The following RSU1 variants were observed in gnomAD, a reference collection of about 807,000 sequenced individuals.
RSU1 encodes Ras suppressor protein 1, also known as rsu-1.
In RSU1, 26 loss-of-function variants were observed where a neutral mutation model predicts 31.1. The ratio of observed to expected loss-of-function variants is 0.84; its 90% CI spans 0.61 to 1.16. RSU1 has a LOEUF of 1.16. Ranked by LOEUF, RSU1 falls within the 50% of genes most tolerant of loss-of-function variation. The pLI is 0.00. For synonymous variants in RSU1, 164 were observed against 136.3 expected (o/e 1.20, Z -1.41); for missense variants, 320 against 339.1 (o/e 0.94, Z 0.44).
chr10:16,619,677 C>T (rs1834036460), intron 8 of RSU1, among the ~76,000 whole-genome samples: 1 of 152,194 alleles, frequency 6.6e-6, no homozygotes, highest in South Asian at 2.1e-4. Flanking sequence ...CTTATGGACA[C>T]ATGGACAGAA....
chr10:16,667,531 A>G (rs1210560084), intron 8 of RSU1, among the ~76,000 whole-genome samples: 1 of 151,658 alleles, frequency 6.6e-6, no homozygotes, highest in Non-Finnish European at 1.5e-5. Flanking sequence ...TCTGTCACCC[A>G]GGCTGGAGTG....
At chr10:16,654,374 A>C (rs1834735943) in intron 8 of RSU1, among the ~76,000 whole-genome samples, 1 of 151,692 alleles carries the variant, frequency 6.6e-6, no homozygotes, top group South Asian at 2.1e-4. Context: ...AAAAAAAAAA[A>C]AAAAAAGGAA....
intron 8 of RSU1, among the ~76,000 whole-genome samples, chr10:16,641,861 A>C (rs1441162594): frequency 6.6e-6 from 1 of 152,200 alleles, no homozygotes; most frequent in Non-Finnish European, 1.5e-5. Flanking sequence ...GGCTCTGAGC[A>C]GGGTAAGGCA....
rs939842580 is a variant in RSU1 at position 16,591,492 on chromosome 10, G to A, written c.*1902C>T. Reference sequence around the variant, plus strand: ...TTCTGGAGCGAAATTTATATTCCCAGTAGCCATGTGAAAGAATGTTTATTT... The same window carrying A: ...TTCTGGAGCGAAATTTATATTCCCAATAGCCATGTGAAAGAATGTTTATTT... On this transcript the variant is annotated 3_prime_UTR_variant, in exon 9 of 9. Transcript: ENST00000345264. 1 of 152,144 alleles carries A rather than the reference G, an allele frequency of 6.6e-6. No individual in the cohort carries two copies. The highest frequency in any genetic ancestry group is 2.4e-5 in the African/African-American group (1 of 41,424). The allele number at this position is 152,144 out of a possible 1,614,324, so 9.4% of individuals were successfully genotyped here. A position where few individuals can be genotyped will look rare whatever the true frequency, so the allele number is the denominator to read the frequency against.
At position 16,782,042 on chromosome 10, in the gene RSU1, T is replaced by C; in HGVS notation, c.152A>G (p.Lys51Arg). 1 of 1,613,362 alleles carries C rather than the reference T, an allele frequency of 6.2e-7. No individual in the cohort carries two copies. The highest frequency in any genetic ancestry group is 8.5e-7 in the Non-Finnish European group (1 of 1,179,738). The part of the protein sequence containing the change: ...HITQLVLSHN[K>R]LTMVPPNIAE... ...TGAGAAACATCACTTACTTGTTAGC[T>C]TGTTATGGCTGAGGACCAGTTGTGT... The change falls in exon 3 of 9, where the codon AAG becomes AGG. Residue 51 changes from lysine to arginine, a missense_variant. By Grantham distance (26) the Lys-to-Arg change is conservative. Transcript: ENST00000345264.
intron 7 of RSU1, among the ~76,000 whole-genome samples, chr10:16,696,768 G>A (rs543828832): frequency 6.6e-6 from 1 of 152,130 alleles, no homozygotes; most frequent in African/African-American, 2.4e-5. Context: ...GAAAACCCAG[G>A]GGTGGTATGC....
intron 8 of RSU1, among the ~76,000 whole-genome samples, chr10:16,694,147 G>A (rs1008577134): frequency 6.6e-6 from 1 of 152,168 alleles, no homozygotes; most frequent in Non-Finnish European, 1.5e-5. Context: ...AAAGAAGCAG[G>A]AATCGTGAGG....
intron 7 of RSU1, among the ~76,000 whole-genome samples, 164 bp from the exon 8 acceptor site, chr10:16,695,319 C>T (rs1244573659): frequency 6.6e-6 from 1 of 152,106 alleles, no homozygotes; most frequent in African/African-American, 2.4e-5. Context: ...ATCACAGGTA[C>T]ACAGTCATGA....
chr10:16,662,812 C>A (rs895214715), intron 8 of RSU1, among the ~76,000 whole-genome samples: 2 of 152,000 alleles, frequency 1.3e-5, no homozygotes, highest in Non-Finnish European at 2.9e-5. Flanking sequence ...TTTTCTCCTG[C>A]CATTTTAAAA....
At chr10:16,607,547 G>A (rs1833824641) in intron 8 of RSU1, among the ~76,000 whole-genome samples, 1 of 152,098 alleles carries the variant, frequency 6.6e-6, no homozygotes, top group Non-Finnish European at 1.5e-5. Flanking sequence ...GATCTAAACA[G>A]GGGTGGTAAC....
chr10:16,794,967 C>G (rs547980883), intron 2 of RSU1, among the ~76,000 whole-genome samples: 1 of 152,214 alleles, frequency 6.6e-6, no homozygotes, highest in African/African-American at 2.4e-5. Flanking sequence ...TAAAATGAAA[C>G]AAATAAAAGA....
chr10:16,638,095 C>T (rs1212121798), intron 8 of RSU1, among the ~76,000 whole-genome samples: 2 of 152,078 alleles, frequency 1.3e-5, no homozygotes, highest in African/African-American at 4.8e-5. Flanking sequence ...TAGCGATGTA[C>T]TTTTTCATAT....
chr10:16,763,153 A>G (rs1837243363), intron 4 of RSU1, among the ~76,000 whole-genome samples: 1 of 152,236 alleles, frequency 6.6e-6, no homozygotes, highest in Admixed American at 6.5e-5. Context: ...GGGCAGTTTC[A>G]TCTGATAGCT....
chr10:16,697,131 G>C (rs745401043), intron 7 of RSU1, among the ~76,000 whole-genome samples: 1 of 152,134 alleles, frequency 6.6e-6, no homozygotes, highest in Non-Finnish European at 1.5e-5. Flanking sequence ...GTGCACAGGA[G>C]GCAGGACTAG....
intron 8 of RSU1, among the ~76,000 whole-genome samples, chr10:16,657,307 C>T (rs2131522561): frequency 6.6e-6 from 1 of 152,304 alleles, no homozygotes; most frequent in East Asian, 1.9e-4. Context: ...AATTAGGTAA[C>T]TTACTTGACC....
intron 8 of RSU1, among the ~76,000 whole-genome samples, chr10:16,624,382 T>A (rs1834120991): frequency 6.6e-6 from 1 of 152,006 alleles, no homozygotes; most frequent in African/African-American, 2.4e-5. Flanking sequence ...TGCCCATCAC[T>A]CCTCACCTTT....
chr10:16,813,895 A>T (rs1027834820), intron 2 of RSU1, among the ~76,000 whole-genome samples: 1 of 152,230 alleles, frequency 6.6e-6, no homozygotes, highest in Non-Finnish European at 1.5e-5. Flanking sequence ...GTCTCTAAGG[A>T]AGGGCTGCGT....
chr10:16,608,432 G>A (rs1306495960), intron 8 of RSU1, among the ~76,000 whole-genome samples: 1 of 152,038 alleles, frequency 6.6e-6, no homozygotes, highest in Non-Finnish European at 1.5e-5. Flanking sequence ...CTACCTACAT[G>A]TGCATTATCC....
chr10:16,634,808 C>G (rs1834319207), intron 8 of RSU1, among the ~76,000 whole-genome samples: 1 of 152,208 alleles, frequency 6.6e-6, no homozygotes, highest in South Asian at 2.1e-4. Context: ...CTAAGATTTG[C>G]TAAGACTTAG....
Sources: allele counts gnomAD v4.1 joint callset (sites outside exome capture counted in the v4.1 genomes callset), GRCh38; gene constraint gnomAD v4.1.1; transcripts MANE v1.5; gene names NCBI Gene and HGNC (gene_info 2026-07-23, HGNC 2026-07-21).